The following CKM variants were observed in gnomAD, a reference collection of about 807,000 sequenced individuals.
CKM encodes creatine kinase M-type.
CKM carries 28 observed loss-of-function variants against 35.4 expected under a neutral mutation model. The ratio of observed to expected loss-of-function variants is 0.79; its 90% CI spans 0.59 to 1.08. The LOEUF is 1.08. Ranked by LOEUF, CKM falls within the 50% of genes least tolerant of loss-of-function variation. The pLI is 0.00. For missense variants in CKM, 484 were observed against 509.8 expected (o/e 0.95, Z 0.49); for synonymous variants, 215 against 204.4 (o/e 1.05, Z -0.44).
At chr19:45,313,840 C>T (rs972975149) in intron 4 of CKM, among the ~76,000 whole-genome samples, 1 of 152,042 alleles carries the variant, frequency 6.6e-6, no homozygotes, top group Non-Finnish European at 1.5e-5. Context: ...GAGTGTGGCT[C>T]CATCTCAAAA....
intron 5 of CKM, 96 bp downstream of exon 5, chr19:45,311,653 A>C: frequency 9.8e-7 from 1 of 1,024,410 alleles, no homozygotes; most frequent in South Asian, 1.5e-5. Context: ...ATAATTACGT[A>C]TATGGCCTTG....
At chr19:45,315,723 G>A in intron 3 of CKM, 126 bp from the exon 4 acceptor site, 1 of 1,298,704 alleles carries the variant, frequency 7.7e-7, no homozygotes, top group Non-Finnish European at 1.1e-6. Context: ...CTCACTGATT[G>A]GGTGTGTGGA....
At chr19:45,314,859 G>A (rs144645090) in intron 4 of CKM, among the ~76,000 whole-genome samples, 2,823 of 152,240 alleles carry the variant, frequency 0.019, 37 homozygotes, top group Non-Finnish European at 0.029. Context: ...TGACAGGTGT[G>A]TGCCACCACT....
chr19:45,308,269 G>A, intron 6 of CKM, 140 bp downstream of exon 6: 1 of 1,041,870 alleles, frequency 9.6e-7, no homozygotes, highest in East Asian at 2.6e-5. Flanking sequence ...GTTTGGCATG[G>A]GGTGGAGCCA....
chr19:45,318,024 C>T (rs1568512486), intron 2 of CKM, 45 bp from the exon 3 acceptor site: 1 of 1,596,730 alleles, frequency 6.3e-7, no homozygotes, highest in South Asian at 1.1e-5. Flanking sequence ...CCCCAGCAAA[C>T]AGGGCGTGGG....
rs753235410 is a variant in CKM at position 45,319,552 on chromosome 19, G to A, written c.162C>T (p.Asp54=). 2.2e-5 allele frequency: 35 copies of A among 1,613,924 alleles called. No individual in the cohort carries two copies. Among genetic ancestry groups the A allele is most frequent in the Admixed American group, 3.3e-5 (2 of 59,974 alleles). The change falls in exon 2 of 8, where the codon GAC becomes GAT. Residue 54 remains aspartate (D), a synonymous_variant. Coordinates refer to ENST00000221476, the MANE Select transcript of CKM (RefSeq NM_001824.5). Reference sequence around the variant, plus strand: ...TGTCCACTCCTGTCTGGATGACATCGTCTACAGTGAAGCCAGATGGAGTCT... The same window carrying A: ...TGTCCACTCCTGTCTGGATGACATCATCTACAGTGAAGCCAGATGGAGTCT... ...DKETPSGFTV[D]DVIQTGVDNP...
intron 5 of CKM, among the ~76,000 whole-genome samples, chr19:45,308,868 A>G (rs889145063): frequency 6.6e-6 from 1 of 152,190 alleles, no homozygotes; most frequent in Non-Finnish European, 1.5e-5. Context: ...TTTCAGGACC[A>G]GAAAATCTTC....
rs529135913 is a variant in CKM at position 45,316,816 on chromosome 19, A to G, written c.348+1009T>C. 2.0e-5 allele frequency among the ~76,000 whole-genome samples: 3 copies of G among 149,918 alleles called. No individual in the cohort carries two copies. In the South Asian group the frequency reaches 6.3e-4, roughly 32 times the overall value. Reference sequence around the variant, plus strand: ...TCTCGCTCTGTCACCCAGGCTGAATAGCTAGGATTATAGGTGAACACCAGC... The same window carrying G: ...TCTCGCTCTGTCACCCAGGCTGAATGGCTAGGATTATAGGTGAACACCAGC... On this transcript the variant is annotated intron_variant, in intron 3 of 7. Coordinates refer to ENST00000221476, the MANE Select transcript of CKM (RefSeq NM_001824.5).
intron 2 of CKM, among the ~76,000 whole-genome samples, chr19:45,319,036 T>G (rs1971186178): frequency 6.6e-6 from 1 of 152,050 alleles, no homozygotes; most frequent in South Asian, 2.1e-4. Flanking sequence ...TTTGTATTTT[T>G]TGTAGAGACA....
rs535917027 is a variant in CKM, at chr19:45,312,496, C to A, written c.482-576G>T. Among the ~76,000 whole-genome samples, 16 of 151,838 alleles carry A rather than the reference C, an allele frequency of 1.1e-4. No homozygotes were observed. In the East Asian group the frequency reaches 2.9e-3, roughly 28 times the overall value. ...GGAGCGCAATGGCGCGATCTTGGCT[C>A]ACTGCCACCTCCGTCTCCCGGGTTC... is the stretch of plus-strand genomic sequence containing the variant. On this transcript the variant is annotated intron_variant, in intron 4 of 7. Transcript: ENST00000221476.
At chr19:45,313,196 C>G (rs188922980) in intron 4 of CKM, among the ~76,000 whole-genome samples, 1 of 152,110 alleles carries the variant, frequency 6.6e-6, no homozygotes, top group South Asian at 2.1e-4. Flanking sequence ...ATTTTTCCTA[C>G]AGCATGTGCC....
At chr19:45,309,466 G>A (rs2123132346) in intron 5 of CKM, among the ~76,000 whole-genome samples, 1 of 150,742 alleles carries the variant, frequency 6.6e-6, no homozygotes, top group East Asian at 2.0e-4. Context: ...TGAGGCGGGA[G>A]GATCACTTGA....
At chr19:45,308,647 A>G (rs1234602307) in intron 5 of CKM, 115 bp from the exon 6 acceptor site, 12 of 1,048,146 alleles carry the variant, frequency 1.1e-5, no homozygotes, top group Admixed American at 1.8e-5. Context: ...GAGGGGTGGG[A>G]GGTGGGTGGC....
intron 5 of CKM, among the ~76,000 whole-genome samples, chr19:45,309,227 CA>C (rs59133395): frequency 0.26 from 21,184 of 80,566 alleles, 1,826 homozygotes; most frequent in Non-Finnish European, 0.32. Flanking sequence ...GACTCCATCT[CA>C]AAAAAAAAAA....
intron 5 of CKM, 127 bp from the exon 6 acceptor site, chr19:45,308,659 T>A: frequency 8.4e-7 from 1 of 1,184,308 alleles, no homozygotes; most frequent in Non-Finnish European, 1.2e-6. Flanking sequence ...GTGGGTGGCA[T>A]CTGCCTCCTC....
intron 3 of CKM, among the ~76,000 whole-genome samples, chr19:45,315,921 G>A (rs949829465): frequency 6.9e-6 from 1 of 145,154 alleles, no homozygotes; most frequent in Admixed American, 7.1e-5. Context: ...ATAGCTCACT[G>A]CAACCTCAAA....
chr19:45,311,460 A>G (rs1166705340), intron 5 of CKM, among the ~76,000 whole-genome samples: 1 of 150,928 alleles, frequency 6.6e-6, no homozygotes, highest in East Asian at 2.0e-4. Context: ...TCCTGACCTC[A>G]AGTGATCCCC....
intron 4 of CKM, 89 bp downstream of exon 4, chr19:45,315,376 G>T: frequency 6.9e-7 from 1 of 1,446,374 alleles, no homozygotes; most frequent in Non-Finnish European, 9.4e-7. Flanking sequence ...TTTGAAAAGC[G>T]GGGGCCCAAA....
rs529197826 is a variant in CKM at position 45,316,394 on chromosome 19, G to A, written c.349-797C>T. Among the ~76,000 whole-genome samples, 7 of 150,976 alleles carry A rather than the reference G, an allele frequency of 4.6e-5. No individual in the cohort carries two copies. In the South Asian group the frequency reaches 6.3e-4, roughly 14 times the overall value. ...GCCCAGGCTGGTCTCAAACTCCTGGGCTCAAACAGTCCTCCTGCCTCAGCC... is the reference window on the plus strand; with the variant it reads ...GCCCAGGCTGGTCTCAAACTCCTGGACTCAAACAGTCCTCCTGCCTCAGCC... On this transcript the variant is annotated intron_variant, in intron 3 of 7. Transcript: ENST00000221476.
Sources: allele counts gnomAD v4.1 joint callset (sites outside exome capture counted in the v4.1 genomes callset), GRCh38; gene constraint gnomAD v4.1.1; transcripts MANE v1.5; gene names NCBI Gene and HGNC (gene_info 2026-07-23, HGNC 2026-07-21).